Variants in USP10 observed in about 807,000 individuals in gnomAD.
USP10 encodes ubiquitin specific peptidase 10, also known as ubiquitin carboxyl-terminal hydrolase 10.
USP10 carries 22 observed loss-of-function variants against 84.5 expected under a neutral mutation model. That is an observed-to-expected ratio of 0.26 (90% CI 0.19 to 0.37). The LOEUF (loss-of-function observed/expected upper bound fraction) is 0.37, where lower values mean the gene tolerates loss of function less well. Among genes scored for constraint, USP10 ranks in the 10% least tolerant of loss-of-function variants. The pLI, the probability that USP10 is intolerant of heterozygous loss-of-function variation, is 1.00. For synonymous variants in USP10, 454 were observed against 387.6 expected, an observed-to-expected ratio of 1.17 and a Z score of -2.01; for missense variants, 1,019 against 998.9, an observed-to-expected ratio of 1.02 and a Z score of -0.27.
At chr16:84,761,131 G>T (rs2150851530) in intron 8 of USP10, among the ~76,000 whole-genome samples, 1 of 152,294 alleles carries the variant, frequency 6.6e-6, no homozygotes, top group East Asian at 1.9e-4. Flanking sequence ...TAGGGATGCA[G>T]AAATGGAATG....
chr16:84,735,238 GTGTGTGT>G, intron 2 of USP10, among the ~76,000 whole-genome samples: 1 of 134,756 alleles, frequency 7.4e-6, no homozygotes, highest in South Asian at 2.3e-4. Context: ...TGTGTGTGTG[GTGTGTGT>G]GTTTTTAAGT....
chr16:84,755,419 G>A (rs1912417007), intron 4 of USP10, among the ~76,000 whole-genome samples: 6 of 151,658 alleles, frequency 4.0e-5, no homozygotes, highest in Admixed American at 3.9e-4. Context: ...TGGCTGAGCA[G>A]CCTGCACTTG....
intron 4 of USP10, among the ~76,000 whole-genome samples, chr16:84,753,468 G>A (rs1360031069): frequency 1.3e-5 from 2 of 152,260 alleles, no homozygotes; most frequent in East Asian, 1.9e-4. Flanking sequence ...TGAGCTGGCC[G>A]TCATGCCGGG....
chr16:84,711,818 C>T (rs993542162), intron 1 of USP10, among the ~76,000 whole-genome samples: 1 of 149,154 alleles, frequency 6.7e-6, no homozygotes, highest in African/African-American at 2.5e-5. Flanking sequence ...CTCCGGGGCT[C>T]AAGTGATTCT....
chr16:84,706,790 T>C (rs1905582783), intron 1 of USP10, among the ~76,000 whole-genome samples: 1 of 152,024 alleles, frequency 6.6e-6, no homozygotes, highest in Admixed American at 6.6e-5. Flanking sequence ...TCTGCCCACC[T>C]CGGCCTCCCA....
intron 1 of USP10, among the ~76,000 whole-genome samples, chr16:84,706,508 A>G (rs966711812): frequency 1.6e-4 from 24 of 147,660 alleles, no homozygotes; most frequent in African/African-American, 5.9e-4. Flanking sequence ...ATGTATTTAT[A>G]TTTATTTATA....
chr16:84,757,441 G>GTGTGTT (rs1474864607), intron 4 of USP10, among the ~76,000 whole-genome samples: 5 of 142,288 alleles, frequency 3.5e-5, no homozygotes, highest in Non-Finnish European at 6.2e-5. Flanking sequence ...GTGTGTGTGT[G>GTGTGTT]TGTGTTTTGA....
Position 84,762,480 on chromosome 16 carries a change from C to T in USP10, c.1555-509C>T, listed in dbSNP as rs976243937. Among the ~76,000 whole-genome samples, 8 of 152,158 alleles carry T rather than the reference C, an allele frequency of 5.3e-5. No individual in the cohort carries two copies. In the South Asian group the frequency reaches 6.2e-4, roughly 12 times the overall value. ...CCAAGGCAGGCAGGTCACCTGAGGT[C>T]AGGAGTTTGAGACCAGCCTGGCCGA... On this transcript the variant is annotated intron_variant, in intron 8 of 13. Coordinates refer to ENST00000219473, the MANE Select transcript of USP10 (RefSeq NM_005153.3).
intron 2 of USP10, among the ~76,000 whole-genome samples, chr16:84,737,574 T>C (rs1910096186): frequency 1.3e-5 from 2 of 152,206 alleles, no homozygotes; most frequent in Admixed American, 6.5e-5. Flanking sequence ...TGCGCTCTTT[T>C]ATCAGCTTAG....
At chr16:84,735,196 G>GATT (rs1555541026) in intron 2 of USP10, among the ~76,000 whole-genome samples, 48 of 146,378 alleles carry the variant, frequency 3.3e-4, no homozygotes, top group African/African-American at 1.2e-3. Flanking sequence ...AGGCCCGGGT[G>GATT]GTGTGTGTGT....
At chr16:84,701,820 C>T (rs564400632) in intron 1 of USP10, among the ~76,000 whole-genome samples, 1 of 151,856 alleles carries the variant, frequency 6.6e-6, no homozygotes, top group Non-Finnish European at 1.5e-5. Context: ...GTTGGCGGAA[C>T]GTAAATGTTA....
chr16:84,774,427 A>G (rs560478873), intron 12 of USP10, among the ~76,000 whole-genome samples: 3 of 151,514 alleles, frequency 2.0e-5, no homozygotes, highest in East Asian at 1.9e-4. Context: ...ACTGGTTCCT[A>G]TTTGGAGAAA....
chr16:84,767,521 A>T (rs1299864470), intron 10 of USP10, among the ~76,000 whole-genome samples: 1 of 152,072 alleles, frequency 6.6e-6, no homozygotes, highest in Non-Finnish European at 1.5e-5. Context: ...TCCTCTATTT[A>T]CCTTGGGATT....
intron 1 of USP10, 137 bp from the exon 2 acceptor site, chr16:84,733,298 C>T (rs1296023166): frequency 1.5e-5 from 10 of 659,516 alleles, no homozygotes; most frequent in African/African-American, 3.7e-5. Flanking sequence ...AGTTGCAGAT[C>T]CTCTGTTTAA....
chr16:84,777,456 G>A lies in USP10; in HGVS notation c.2210-1439G>A, dbSNP rs115350102. The stretch of plus-strand genomic sequence containing the variant: ...GAACTTGGGATCCAGGGGACATGCT[G>A]CTGTCATGGGTGCTTCCTGCCCTTT... On this transcript the variant is annotated intron_variant, in intron 13 of 13. Coordinates refer to ENST00000219473, the MANE Select transcript of USP10 (RefSeq NM_005153.3). 4.1e-3 allele frequency among the ~76,000 whole-genome samples: 619 copies of A among 152,328 alleles called. 5 individuals carry two copies. Among genetic ancestry groups the A allele is most frequent in the African/African-American group, 0.014 (569 of 41,582 alleles).
At chr16:84,772,265 G>A (rs1477175226) in intron 11 of USP10, among the ~76,000 whole-genome samples, 2 of 152,110 alleles carry the variant, frequency 1.3e-5, no homozygotes, top group African/African-American at 4.8e-5. Context: ...TGGCCAGGCT[G>A]GTCTCAAACT....
chr16:84,773,093 C>G (rs1001902909), intron 12 of USP10, among the ~76,000 whole-genome samples: 2 of 152,164 alleles, frequency 1.3e-5, no homozygotes, highest in Non-Finnish European at 2.9e-5. Context: ...CTTCTAACCT[C>G]TAGTTGTGGT....
chr16:84,773,831 A>T (rs113547173), intron 12 of USP10, among the ~76,000 whole-genome samples: 132 of 152,002 alleles, frequency 8.7e-4, no homozygotes, highest in Middle Eastern at 3.4e-3. Context: ...CTGCATCTTC[A>T]CTCGCCTCCA....
At chr16:84,732,491 G>T in intron 1 of USP10, 1 of 383,588 alleles carries the variant, frequency 2.6e-6, no homozygotes, top group Non-Finnish European at 5.1e-6. Flanking sequence ...CTGTCGCCCC[G>T]GCTGGGGTGC....
Sources: gnomAD v4.1 joint callset for allele counts (sites outside exome capture counted in the v4.1 genomes callset) on GRCh38, gnomAD v4.1.1 for gene constraint, MANE v1.5 for transcripts, NCBI Gene and HGNC (gene_info 2026-07-23, HGNC 2026-07-21) for gene names.